The following TATDN1 variants were observed in gnomAD, a reference collection of about 807,000 sequenced individuals.
TATDN1 encodes deoxyribonuclease TATDN1.
TATDN1 carries 40 observed loss-of-function variants against 46.4 expected under a neutral mutation model. The ratio of observed to expected loss-of-function variants is 0.86; its 90% CI spans 0.67 to 1.12. The LOEUF (loss-of-function observed/expected upper bound fraction) is 1.12. Among genes scored for constraint, TATDN1 ranks in the 50% most tolerant of loss-of-function variants. The pLI is 0.00. For missense variants in TATDN1, 326 were observed against 348.4 expected, an observed-to-expected ratio of 0.94 and a Z score of 0.51; for synonymous variants, 95 against 105.6, an observed-to-expected ratio of 0.90 and a Z score of 0.62.
intron 9 of TATDN1, among the ~76,000 whole-genome samples, chr8:124,501,113 A>C (rs921714393): frequency 5.3e-5 from 8 of 152,184 alleles, no homozygotes; most frequent in Non-Finnish European, 5.9e-5. Context: ...GAGAACAACA[A>C]GCACAGAGGA....
chr8:124,515,621 G>A, intron 6 of TATDN1, 125 bp downstream of exon 6: 1 of 837,194 alleles, frequency 1.2e-6, no homozygotes, highest in South Asian at 1.8e-5. Context: ...ACTTACTTTT[G>A]ATATACAAAG....
At position 124,507,297 on chromosome 8, in the gene TATDN1, G is replaced by A. The variant is rs1241729892; in HGVS notation, c.516+1177C>T. On this transcript the variant is annotated intron_variant, in intron 8 of 11. Transcript: ENST00000276692. ...AGTGCAGAATGCAAATTACAGAAAG[G>A]AGAATGACTCTCTAGATCAGAATAG... 2.0e-5 allele frequency among the ~76,000 whole-genome samples: 3 copies of A among 152,166 alleles called. No homozygotes were observed. The East Asian group carries it at 5.8e-4, about 29-fold the overall frequency.
chr8:124,503,093 G>A (rs1347648328), intron 9 of TATDN1, among the ~76,000 whole-genome samples: 1 of 152,060 alleles, frequency 6.6e-6, no homozygotes, highest in African/African-American at 2.4e-5. Flanking sequence ...GGCATAATAA[G>A]GAAACAACAT....
chr8:124,521,882 G>A (rs1478185993), intron 3 of TATDN1: 3 of 294,098 alleles, frequency 1.0e-5, no homozygotes, highest in Non-Finnish European at 1.8e-5. Flanking sequence ...TCTTAAGCCT[G>A]GTAATTCACA....
chr8:124,500,543 C>T (rs1317554730), intron 9 of TATDN1, among the ~76,000 whole-genome samples: 1 of 151,994 alleles, frequency 6.6e-6, no homozygotes, highest in East Asian at 1.9e-4. Flanking sequence ...CCCATCTCTA[C>T]AAAAAGTACA....
intron 9 of TATDN1, among the ~76,000 whole-genome samples, chr8:124,497,098 T>C (rs997544422): frequency 6.6e-6 from 1 of 152,170 alleles, no homozygotes; most frequent in Non-Finnish European, 1.5e-5. Flanking sequence ...GGCCCACACA[T>C]TGCAATTGGT....
At chr8:124,508,712 T>A in intron 6 of TATDN1, 24 bp from the exon 7 acceptor site, 9 of 1,325,074 alleles carry the variant, frequency 6.8e-6, no homozygotes, top group Non-Finnish European at 9.3e-6. Context: ...AAAAAAAAAA[T>A]TCTCATTACA....
intron 10 of TATDN1, chr8:124,494,689 C>T (rs1479451757): frequency 6.6e-6 from 1 of 152,068 alleles, no homozygotes; most frequent in East Asian, 1.9e-4. Flanking sequence ...GGACTACAGG[C>T]AAGTGCCACC....
At chr8:124,517,245 T>C (rs1013174191) in intron 4 of TATDN1, among the ~76,000 whole-genome samples, 13 of 152,178 alleles carry the variant, frequency 8.5e-5, no homozygotes, top group Non-Finnish European at 1.0e-4. Flanking sequence ...CTGACCAACA[T>C]GGTGAAACCC....
intron 3 of TATDN1, chr8:124,521,487 A>C (rs377731699): frequency 6.6e-6 from 1 of 152,230 alleles, no homozygotes; most frequent in Non-Finnish European, 1.5e-5. Context: ...TTTGTGAATA[A>C]TAACAAATAA....
intron 9 of TATDN1, among the ~76,000 whole-genome samples, chr8:124,498,720 G>A (rs1027361021): frequency 1.3e-5 from 2 of 151,966 alleles, no homozygotes; most frequent in South Asian, 2.1e-4. Context: ...GTGCAATCTC[G>A]GCTCACTGCA....
At chr8:124,497,322 G>T (rs1385390506) in intron 9 of TATDN1, among the ~76,000 whole-genome samples, 14 of 143,260 alleles carry the variant, frequency 9.8e-5, no homozygotes, top group Middle Eastern at 3.7e-3. Flanking sequence ...GTCTCACTCT[G>T]TTGCCCAGGC....
chr8:124,501,411 CT>C (rs113856006), intron 9 of TATDN1, among the ~76,000 whole-genome samples: 291 of 148,990 alleles, frequency 2.0e-3, no homozygotes, highest in Middle Eastern at 6.9e-3. Context: ...TTCCAAATGG[CT>C]TTTTTTTTTC....
intron 2 of TATDN1, among the ~76,000 whole-genome samples, chr8:124,522,472 A>C (rs1046474268): frequency 2.0e-5 from 3 of 152,052 alleles, no homozygotes; most frequent in Non-Finnish European, 1.5e-5. Flanking sequence ...GCTGGAGTGC[A>C]ATGGTGTGGT....
chr8:124,495,419 C>T (rs1294677248), intron 10 of TATDN1, 53 bp downstream of exon 10: 1 of 1,388,034 alleles, frequency 7.2e-7, no homozygotes, highest in African/African-American at 1.5e-5. Flanking sequence ...CTCCAGCTTT[C>T]CTTTTTGTTT....
intron 1 of TATDN1, among the ~76,000 whole-genome samples, chr8:124,525,121 C>T (rs1820371175): frequency 6.6e-6 from 1 of 152,030 alleles, no homozygotes; most frequent in South Asian, 2.1e-4. Flanking sequence ...ACCATCCTTC[C>T]ACACTTTAGC....
chr8:124,495,526 C>T lies in TATDN1; in HGVS notation c.610G>A (p.Ala204Thr), dbSNP rs752069286. Residue 204 changes from alanine (A) to threonine (T), a missense_variant, in exon 10 of 12, where the codon GCT (alanine) becomes ACT (threonine). By Grantham distance (58) the Ala-to-Thr change is moderately conservative. Transcript: ENST00000276692. ...ATTGACTTCAAAACTTCCAAATTAGCTTCAGTTTTCAGTGAGCTTAAAAAA... is the reference window on the plus strand; with the variant it reads ...ATTGACTTCAAAACTTCCAAATTAGTTTCAGTTTTCAGTGAGCTTAAAAAA... ...GFNGCSLKTE[A>T]NLEVLKSIPS... 81 of 1,604,406 alleles carry T rather than the reference C, an allele frequency of 5.0e-5. No individual in the cohort carries two copies. The highest frequency in any genetic ancestry group is 4.2e-5 in the Non-Finnish European group (50 of 1,177,066).
intron 1 of TATDN1, among the ~76,000 whole-genome samples, chr8:124,534,317 A>C (rs1449211386): frequency 6.6e-6 from 1 of 152,196 alleles, no homozygotes; most frequent in South Asian, 2.1e-4. Context: ...ACACATCAAA[A>C]TTATAAGAAC....
chr8:124,493,730 C>T, intron 11 of TATDN1, 103 bp downstream of exon 11: 1 of 1,411,796 alleles, frequency 7.1e-7, no homozygotes, highest in South Asian at 1.5e-5. Flanking sequence ...CTGAACTTCA[C>T]TTGGATTTTG....
Sources: allele counts gnomAD v4.1 joint callset (sites outside exome capture counted in the v4.1 genomes callset), GRCh38; gene constraint gnomAD v4.1.1; transcripts MANE v1.5; gene names NCBI Gene and HGNC (gene_info 2026-07-23, HGNC 2026-07-21).